RABGAP1L: variants seen among roughly 807,000 people sequenced by gnomAD.
RABGAP1L encodes the protein rab GTPase-activating protein 1-like.
In RABGAP1L, 63 loss-of-function variants were observed where a neutral mutation model predicts 137.7. The observed-to-expected ratio is 0.46, with a 90% CI of 0.37 to 0.56. The LOEUF (loss-of-function observed/expected upper bound fraction) is 0.56, where lower values mean the gene tolerates loss of function less well. RABGAP1L is among the 20% of genes least tolerant of loss of function. The probability of loss-of-function intolerance (pLI) is 0.00; values close to 1 mark genes in which losing one functional copy is unlikely to be tolerated. For missense variants in RABGAP1L, 1,095 were observed against 1,244.0 expected (o/e 0.88, Z 1.80); for synonymous variants, 431 against 433.7 (o/e 0.99, Z 0.08).
chr1:174,280,881 C>T (rs561572801), intron 10 of RABGAP1L, among the ~76,000 whole-genome samples: 1 of 152,190 alleles, frequency 6.6e-6, no homozygotes, highest in East Asian at 1.9e-4. Flanking sequence ...ATGGTGTGTC[C>T]AGAGTTTGTT....
At chr1:174,759,609 GA>G (rs901337083) in intron 18 of RABGAP1L, among the ~76,000 whole-genome samples, 8 of 148,434 alleles carry the variant, frequency 5.4e-5, no homozygotes, top group Non-Finnish European at 1.1e-4. Context: ...AAAAAAAAAA[GA>G]AAAAAAATGG....
In RABGAP1L at chr1:174,650,063, A is replaced by C. The variant is rs535931147; in HGVS notation, c.1824+12575A>C. 9.7e-4 allele frequency among the ~76,000 whole-genome samples: 147 copies of C among 152,236 alleles called. 1 individual carries two copies. Among genetic ancestry groups the C allele is most frequent in the Middle Eastern group, 3.4e-3 (1 of 294 alleles). On this transcript the variant is annotated intron_variant, in intron 14 of 25. Transcript: ENST00000681986. The stretch of plus-strand genomic sequence containing the variant: ...CATGAAGTGTTGTTGAATTTTGTCA[A>C]AGGCCTTTTCTGCATCTATTGAGAT...
chr1:174,209,396 G>A (rs1057421688), intron 1 of RABGAP1L, among the ~76,000 whole-genome samples: 1 of 152,152 alleles, frequency 6.6e-6, no homozygotes, highest in Non-Finnish European at 1.5e-5. Flanking sequence ...AGGCCAGCCA[G>A]CATTCACCAG....
At chr1:174,208,019 C>T (rs943811063) in intron 1 of RABGAP1L, among the ~76,000 whole-genome samples, 1 of 152,152 alleles carries the variant, frequency 6.6e-6, no homozygotes, top group African/African-American at 2.4e-5. Flanking sequence ...CATTGAATAT[C>T]TCTACATTAA....
intron 13 of RABGAP1L, among the ~76,000 whole-genome samples, chr1:174,410,597 A>G (rs1387356105): frequency 6.6e-6 from 1 of 151,854 alleles, no homozygotes; most frequent in African/African-American, 2.4e-5. Context: ...TTGTTGGTTT[A>G]TGTATCTGTT....
rs755748873 is a variant in RABGAP1L at position 174,371,049 on chromosome 1, T to C, written c.1536T>C (p.Ser512=). ...ATTGTCCTGAGAAGATCCTGTATTC[T>C]TGGGGAGAGTTGCTAGGAAAATGGT... ...SKDCPEKILY[S]WGELLGKWHS... is the part of the protein sequence containing the mutation. The change falls in exon 12 of 26, where the codon TCT becomes TCC. Residue 512 remains serine, a synonymous_variant. Transcript: ENST00000681986. 5 of 1,497,922 alleles carry C rather than the reference T, an allele frequency of 3.3e-6. No homozygotes were observed. The highest frequency in any genetic ancestry group is 1.5e-5 in the South Asian group (1 of 68,674). 92.8% of individuals were successfully genotyped at this position (1,497,922 alleles called of 1,614,324 possible).
chr1:174,514,963 T>A (rs7514711), intron 13 of RABGAP1L, among the ~76,000 whole-genome samples: 3,201 of 152,256 alleles, frequency 0.021, 119 homozygotes, highest in African/African-American at 0.074. Flanking sequence ...CTAAGAAATT[T>A]TAAAAATGTT....
intron 11 of RABGAP1L, among the ~76,000 whole-genome samples, chr1:174,334,501 A>G (rs1681302764): frequency 6.6e-6 from 1 of 152,214 alleles, no homozygotes; most frequent in African/African-American, 2.4e-5. Flanking sequence ...ACAAAACCAT[A>G]CATAATCTTG....
chr1:174,771,177 G>A (rs141841180), intron 18 of RABGAP1L, among the ~76,000 whole-genome samples: 1 of 152,154 alleles, frequency 6.6e-6, no homozygotes, highest in African/African-American at 2.4e-5. Flanking sequence ...CGCAGGATAC[G>A]ATTCTGAGGG....
At chr1:174,633,490 A>G (rs1246359084) in intron 13 of RABGAP1L, among the ~76,000 whole-genome samples, 5 of 151,592 alleles carry the variant, frequency 3.3e-5, no homozygotes, top group Non-Finnish European at 7.4e-5. Context: ...TGCCATCCCC[A>G]TCAAGCTACC....
chr1:174,709,799 G>C (rs145038633), intron 17 of RABGAP1L, among the ~76,000 whole-genome samples: 1 of 152,208 alleles, frequency 6.6e-6, no homozygotes, highest in South Asian at 2.1e-4. Context: ...TTGCCAGCAA[G>C]AGAATAGAAC....
intron 17 of RABGAP1L, among the ~76,000 whole-genome samples, chr1:174,749,264 T>A (rs528058421): frequency 1.3e-5 from 2 of 151,774 alleles, no homozygotes; most frequent in Non-Finnish European, 2.9e-5. Context: ...AATTCAGAGA[T>A]GGGGCTTCCA....
At position 174,167,033 on chromosome 1, in the gene RABGAP1L, A is replaced by C. The variant is rs75613506; in HGVS notation, c.-34+7376A>C. Among the ~76,000 whole-genome samples the C allele has an allele frequency of 6.7e-3, 1,020 of 152,302 alleles. 13 individuals are homozygous for C. Among genetic ancestry groups the C allele is most frequent in the African/African-American group, 0.023 (959 of 41,564 alleles). On this transcript the variant is annotated intron_variant, in intron 1 of 25. Coordinates refer to ENST00000681986, the MANE Select transcript of RABGAP1L (RefSeq NM_001366446.1). ...ATTTTCTTCAGTTATGTAAGCTCCT[A>C]ATATGTAAATGTTGTCCTACCATTT...
intron 19 of RABGAP1L, among the ~76,000 whole-genome samples, chr1:174,946,940 ATGTGTGTGTGTGTG>A (rs755558389): frequency 4.9e-5 from 3 of 60,962 alleles, no homozygotes; most frequent in African/African-American, 7.5e-5. Flanking sequence ...ATATATATAT[ATGTGTGTGTGTGTG>A]TGTGTGTGTG....
At chr1:174,739,431 T>G (rs1230572801) in intron 17 of RABGAP1L, among the ~76,000 whole-genome samples, 1 of 152,216 alleles carries the variant, frequency 6.6e-6, no homozygotes, top group Non-Finnish European at 1.5e-5. Flanking sequence ...GATGGATAAG[T>G]GCAAATAGGA....
rs1658415438 is a variant in RABGAP1L, at chr1:174,903,112, A to G, written c.2341-54345A>G. ...TCTTCTAAAATAAATAATCCTGTAT[A>G]TTAGAGATATAGAGGCAACAGACCA... is the stretch of plus-strand genomic sequence containing the variant. On this transcript the variant is annotated intron_variant, in intron 19 of 25. Transcript: ENST00000681986. Among the ~76,000 whole-genome samples the G allele has an allele frequency of 2.0e-5, 3 of 152,330 alleles. No homozygotes were observed. The South Asian group carries it at 6.2e-4, about 32-fold the overall frequency.
chr1:174,971,932 T>TGCAA (rs1368445606), intron 21 of RABGAP1L, among the ~76,000 whole-genome samples: 1 of 152,250 alleles, frequency 6.6e-6, no homozygotes, highest in Non-Finnish European at 1.5e-5. Flanking sequence ...TTAGGTTCTT[T>TGCAA]GCAAAAATAA....
chr1:174,945,429 A>T (rs12095410), intron 19 of RABGAP1L: 1 of 152,248 alleles, frequency 6.6e-6, no homozygotes, highest in Admixed American at 6.5e-5. Context: ...CCAACATGGT[A>T]TACTAACTTG....
intron 11 of RABGAP1L, among the ~76,000 whole-genome samples, chr1:174,317,548 C>G (rs1428222705): frequency 1.3e-5 from 2 of 152,080 alleles, no homozygotes; most frequent in African/African-American, 4.8e-5. Flanking sequence ...TCTTCCTCTC[C>G]TCTCCTCCAG....
Sources: gnomAD v4.1 joint callset for allele counts (sites outside exome capture counted in the v4.1 genomes callset) on GRCh38, gnomAD v4.1.1 for gene constraint, MANE v1.5 for transcripts, NCBI Gene and HGNC (gene_info 2026-07-23, HGNC 2026-07-21) for gene names.